The following TTLL7 variants were observed in gnomAD, a reference collection of about 807,000 sequenced individuals.
TTLL7 encodes the protein tubulin polyglutamylase TTLL7.
Under a neutral mutation model 120.2 loss-of-function variants are expected in TTLL7, and 53 were observed. That is an observed-to-expected ratio of 0.44 (90% CI 0.35 to 0.55). TTLL7 has a LOEUF of 0.55. Among genes scored for constraint, TTLL7 ranks in the 20% least tolerant of loss-of-function variants. The pLI is 0.00. For missense variants in TTLL7, 803 were observed against 1,054.7 expected, an observed-to-expected ratio of 0.76 and a Z score of 3.31; for synonymous variants, 353 against 351.7, an observed-to-expected ratio of 1.00 and a Z score of -0.04.
intron 1 of TTLL7, among the ~76,000 whole-genome samples, chr1:83,972,026 G>C (rs1330436716): frequency 1.3e-5 from 2 of 151,878 alleles, no homozygotes; most frequent in Non-Finnish European, 1.5e-5. Context: ...ACCCCTCCCT[G>C]CCACATACAC....
At chr1:83,948,190 C>CACACACACAA (rs991660174) in intron 5 of TTLL7, among the ~76,000 whole-genome samples, 5 of 150,966 alleles carry the variant, frequency 3.3e-5, no homozygotes, top group African/African-American at 1.2e-4. Flanking sequence ...CACAAACACA[C>CACACACACAA]ACACACACAC....
At chr1:83,876,440 A>G (rs1451634342) in intron 20 of TTLL7, among the ~76,000 whole-genome samples, 1 of 151,906 alleles carries the variant, frequency 6.6e-6, no homozygotes, top group Non-Finnish European at 1.5e-5. Flanking sequence ...ATAGTGATAG[A>G]ACAAACTTTG....
intron 8 of TTLL7, among the ~76,000 whole-genome samples, chr1:83,937,526 G>C (rs371617307): frequency 6.6e-6 from 1 of 152,102 alleles, no homozygotes; most frequent in African/African-American, 2.4e-5. Context: ...TTTTGTACAG[G>C]TTTGTAGACT....
In TTLL7 at chr1:83,883,029, A is replaced by T; in HGVS notation, c.2477T>A (p.Val826Asp). ...TCTTTTGTCAGTTGCATATTTGTAA[A>T]CCACTAGCAGGCACTGTTTACAAAG... Reference protein sequence around the residue: ...VELCKQCLLVVYKYATDKRGS... With the variant: ...VELCKQCLLVDYKYATDKRGS... Residue 826 changes from valine to aspartate, a missense_variant, in exon 20 of 21, where the codon GTT (valine) becomes GAT (aspartate). This residue lies in a region of TTLL7 where 388 missense variants were observed against 450.4 expected (regional missense o/e 0.86). Coordinates refer to ENST00000260505, the MANE Select transcript of TTLL7 (RefSeq NM_024686.6). The T allele has an allele frequency of 2.5e-6, 4 of 1,612,758 alleles. No homozygotes were observed. The highest frequency in any genetic ancestry group is 3.4e-6 in the Non-Finnish European group (4 of 1,179,232).
chr1:83,932,411 C>T lies in TTLL7; in HGVS notation c.1047+1197G>A, dbSNP rs116517775. On this transcript the variant is annotated intron_variant, in intron 9 of 20. Transcript: ENST00000260505. ...GTCAAGTGTTTTCATATCCAAGGAACGGAGGAAGCAAAGGATAAGTAAAAC... is the reference window on the plus strand; with the variant it reads ...GTCAAGTGTTTTCATATCCAAGGAATGGAGGAAGCAAAGGATAAGTAAAAC... 7.7e-3 allele frequency among the ~76,000 whole-genome samples: 1,178 copies of T among 152,002 alleles called. 20 individuals carry two copies. The highest frequency in any genetic ancestry group is 0.027 in the African/African-American group (1,108 of 41,366).
intron 1 of TTLL7, chr1:83,981,273 G>A (rs575862005): frequency 2.0e-5 from 3 of 151,838 alleles, no homozygotes; most frequent in Non-Finnish European, 4.4e-5. Flanking sequence ...CACACATAAT[G>A]ACATATATAG....
chr1:83,946,927 A>G (rs1450197268), intron 6 of TTLL7, among the ~76,000 whole-genome samples, 197 bp downstream of exon 6: 1 of 152,148 alleles, frequency 6.6e-6, no homozygotes, highest in Non-Finnish European at 1.5e-5. Context: ...TAAATTTTTA[A>G]TTGAATTACT....
chr1:83,892,383 TATATATACGA>T (rs370527874), intron 18 of TTLL7, among the ~76,000 whole-genome samples: 570 of 27,078 alleles, frequency 0.021, 41 homozygotes, highest in Non-Finnish European at 0.025. Context: ...TATATATGAA[TATATATACGA>T]ATATATATGA....
chr1:83,932,985 C>G (rs1376972711), intron 9 of TTLL7, among the ~76,000 whole-genome samples: 1 of 152,076 alleles, frequency 6.6e-6, no homozygotes, highest in East Asian at 1.9e-4. Flanking sequence ...TTACTTTCTC[C>G]TTTTTACTAT....
intron 15 of TTLL7, 92 bp downstream of exon 15, chr1:83,911,073 G>C (rs1657635636): frequency 1.9e-6 from 2 of 1,028,688 alleles, no homozygotes; most frequent in Admixed American, 2.0e-5. Flanking sequence ...CACACAACAG[G>C]GTTCATTTGG....
intron 18 of TTLL7, among the ~76,000 whole-genome samples, chr1:83,897,180 A>G (rs555897121): frequency 1.3e-5 from 2 of 152,214 alleles, no homozygotes; most frequent in Non-Finnish European, 2.9e-5. Flanking sequence ...TTGGAGCTTT[A>G]CAACAGGCTA....
chr1:83,989,025 T>C (rs1175989863), intron 1 of TTLL7, among the ~76,000 whole-genome samples: 4 of 151,448 alleles, frequency 2.6e-5, no homozygotes, highest in African/African-American at 2.4e-5. Flanking sequence ...CACCTTTTAA[T>C]GGTGTTGTTT....
chr1:83,907,501 C>A lies in TTLL7; in HGVS notation c.1947G>T (p.Arg649Ser). ...HSLNRASSYMRHLPHSNDACS... is the reference protein window; with the variant it reads ...HSLNRASSYMSHLPHSNDACS... ...AGGCATCATTACTGTGAGGCAGATGCCTCATGTAGGAGGAAGCACGGTTTA... is the reference window on the plus strand; with the variant it reads ...AGGCATCATTACTGTGAGGCAGATGACTCATGTAGGAGGAAGCACGGTTTA... Residue 649 changes from arginine (R) to serine (S), a missense_variant, in exon 16 of 21, where the codon AGG becomes AGT. By Grantham distance (110) the Arg-to-Ser change is moderately radical (BLOSUM62 -1). This residue lies in a region of TTLL7 where 388 missense variants were observed against 450.4 expected (regional missense o/e 0.86). Coordinates refer to ENST00000260505, the MANE Select transcript of TTLL7 (RefSeq NM_024686.6). 6.2e-7 allele frequency: 1 copy of A among 1,613,068 alleles called. No homozygotes were observed. The highest frequency in any genetic ancestry group is 8.5e-7 in the Non-Finnish European group (1 of 1,179,346).
chr1:83,902,762 C>CTTAG (rs999437147), intron 18 of TTLL7, among the ~76,000 whole-genome samples: 17 of 151,964 alleles, frequency 1.1e-4, no homozygotes, highest in African/African-American at 3.6e-4. Context: ...CATACACAAT[C>CTTAG]TTAGCCCTAA....
intron 7 of TTLL7, among the ~76,000 whole-genome samples, chr1:83,938,800 CTT>C (rs1647657908): frequency 6.6e-6 from 1 of 152,144 alleles, no homozygotes; most frequent in Admixed American, 6.5e-5. Context: ...AAAAATCTAT[CTT>C]TAATTCCTAC....
chr1:83,962,990 A>T (rs1387737221), intron 1 of TTLL7, among the ~76,000 whole-genome samples: 1 of 152,162 alleles, frequency 6.6e-6, no homozygotes, highest in Non-Finnish European at 1.5e-5. Flanking sequence ...TTTCTAAAAA[A>T]CATACATAGC....
intron 9 of TTLL7, among the ~76,000 whole-genome samples, chr1:83,930,801 TC>T (rs577832301): frequency 4.0e-4 from 61 of 152,186 alleles, no homozygotes; most frequent in African/African-American, 1.3e-3. Flanking sequence ...ATATCCCTCC[TC>T]CAGGATGGTA....
At chr1:83,942,439 T>C in intron 7 of TTLL7, 24 bp downstream of exon 7, 1 of 1,560,340 alleles carries the variant, frequency 6.4e-7, no homozygotes, top group Non-Finnish European at 8.8e-7. Context: ...AATGAAAAGA[T>C]AAGCTCTGTC....
At chr1:83,896,851 T>C (rs1332397052) in intron 18 of TTLL7, among the ~76,000 whole-genome samples, 1 of 152,108 alleles carries the variant, frequency 6.6e-6, no homozygotes, top group East Asian at 1.9e-4. Context: ...TCAGCAAATC[T>C]GGCATTCTTT....
Sources: gnomAD v4.1 joint callset for allele counts (sites outside exome capture counted in the v4.1 genomes callset) on GRCh38, gnomAD v4.1.1 for gene constraint, gnomAD v4.1.1 regional missense constraint, MANE v1.5 for transcripts, NCBI Gene and HGNC (gene_info 2026-07-23, HGNC 2026-07-21) for gene names.